The following NCAM2 variants were observed in gnomAD, a reference collection of about 807,000 sequenced individuals.
The protein encoded by NCAM2 is N-CAM-2.
In NCAM2, 30 loss-of-function variants were observed where a neutral mutation model predicts 98.1. The ratio of observed to expected loss-of-function variants is 0.31; its 90% confidence interval spans 0.23 to 0.41. The LOEUF is 0.41. NCAM2 is among the 10% of genes least tolerant of loss of function. The pLI, the probability that NCAM2 is intolerant of heterozygous loss-of-function variation, is 1.00. For missense variants in NCAM2, 867 were observed against 1,005.8 expected, an observed-to-expected ratio of 0.86 and a Z score of 1.87; for synonymous variants, 368 against 342.4, an observed-to-expected ratio of 1.07 and a Z score of -0.83.
chr21:21,345,103 A>T (rs972848083), intron 8 of NCAM2, among the ~76,000 whole-genome samples: 1 of 152,092 alleles, frequency 6.6e-6, no homozygotes, highest in Admixed American at 6.6e-5. Flanking sequence ...TACAACTTAG[A>T]TCACAATACC....
chr21:21,501,875 A>T (rs1399991498), intron 15 of NCAM2, among the ~76,000 whole-genome samples: 1 of 152,008 alleles, frequency 6.6e-6, no homozygotes, highest in Admixed American at 6.6e-5. Context: ...TCAGTAATTT[A>T]CAAAGCCATT....
At chr21:21,416,600 A>G (rs2076999599) in intron 10 of NCAM2, among the ~76,000 whole-genome samples, 1 of 152,146 alleles carries the variant, frequency 6.6e-6, no homozygotes, top group Non-Finnish European at 1.5e-5. Context: ...AAATAGTTTT[A>G]TCAGTAGATG....
At chr21:21,102,629 GA>G (rs1423864582) in intron 1 of NCAM2, among the ~76,000 whole-genome samples, 1 of 149,786 alleles carries the variant, frequency 6.7e-6, no homozygotes, top group East Asian at 2.0e-4. Flanking sequence ...TTTGAGGGGG[GA>G]AAAAGAAAGG....
In NCAM2 at chr21:21,168,615, A is replaced by G. The variant is rs188167098; in HGVS notation, c.56-111963A>G. 2.3e-4 allele frequency among the ~76,000 whole-genome samples: 35 copies of G among 152,328 alleles called. No individual in the cohort carries two copies. The East Asian group carries it at 6.4e-3, about 28-fold the overall frequency. On this transcript the variant is annotated intron_variant, in intron 1 of 17. Transcript: ENST00000400546. Reference sequence around the variant, plus strand: ...AGCAATTATAGCAACGTTGAAGATTATAAGGTTAATGTGTGTCAATTACTT... The same window carrying G: ...AGCAATTATAGCAACGTTGAAGATTGTAAGGTTAATGTGTGTCAATTACTT...
At chr21:21,230,075 T>C (rs2070558993) in intron 1 of NCAM2, among the ~76,000 whole-genome samples, 1 of 151,366 alleles carries the variant, frequency 6.6e-6, no homozygotes, top group African/African-American at 2.4e-5. Context: ...CATATAAATT[T>C]TATGGACTTT....
chr21:21,156,538 C>T (rs191899485), intron 1 of NCAM2, among the ~76,000 whole-genome samples: 5 of 150,940 alleles, frequency 3.3e-5, no homozygotes, highest in African/African-American at 9.7e-5. Context: ...ATAGTAAACA[C>T]CAAAGTTTTT....
chr21:21,241,426 T>C (rs2071062129), intron 1 of NCAM2, among the ~76,000 whole-genome samples: 1 of 152,208 alleles, frequency 6.6e-6, no homozygotes, highest in Admixed American at 6.5e-5. Flanking sequence ...ATATAGCATA[T>C]AAATTGTTAA....
chr21:21,522,206 T>C (rs1291516581), intron 16 of NCAM2, among the ~76,000 whole-genome samples: 3 of 148,086 alleles, frequency 2.0e-5, no homozygotes, highest in African/African-American at 7.4e-5. Flanking sequence ...TATATGAATA[T>C]GATTATATAT....
At chr21:21,380,309 T>C (rs1463639941) in intron 9 of NCAM2, among the ~76,000 whole-genome samples, 2 of 152,188 alleles carry the variant, frequency 1.3e-5, no homozygotes, top group Non-Finnish European at 2.9e-5. Context: ...TGTGAACTAT[T>C]TTTTCTCTCT....
At chr21:21,029,147 G>T (rs1894738760) in intron 1 of NCAM2, among the ~76,000 whole-genome samples, 1 of 152,112 alleles carries the variant, frequency 6.6e-6, no homozygotes. Flanking sequence ...CATATAAACT[G>T]TTCATTAACA....
intron 1 of NCAM2, among the ~76,000 whole-genome samples, chr21:21,039,086 G>A (rs1378836979): frequency 6.6e-6 from 1 of 152,072 alleles, no homozygotes; most frequent in Non-Finnish European, 1.5e-5. Context: ...TAGACTATAT[G>A]ACATGTAGTT....
chr21:21,430,194 G>A (rs232399), intron 11 of NCAM2, among the ~76,000 whole-genome samples: 55,980 of 150,428 alleles, frequency 0.37, 10,902 homozygotes, highest in East Asian at 0.61. Flanking sequence ...ACACCCGGCT[G>A]TTTTTTTTAT....
At chr21:21,094,375 G>A (rs2066074190) in intron 1 of NCAM2, among the ~76,000 whole-genome samples, 1 of 151,816 alleles carries the variant, frequency 6.6e-6, no homozygotes, top group African/African-American at 2.4e-5. Context: ...GATGGAAATA[G>A]TATGCCCTAA....
At chr21:21,230,245 A>T (rs962069676) in intron 1 of NCAM2, among the ~76,000 whole-genome samples, 5 of 151,332 alleles carry the variant, frequency 3.3e-5, no homozygotes, top group African/African-American at 1.2e-4. Flanking sequence ...GGAAAGAAGC[A>T]ATCATTTTTC....
At chr21:21,511,826 G>A (rs1020022844) in intron 16 of NCAM2, among the ~76,000 whole-genome samples, 13 of 151,956 alleles carry the variant, frequency 8.6e-5, no homozygotes, top group Admixed American at 5.3e-4. Context: ...TTATGGTTTT[G>A]ATTTGCATTT....
chr21:21,508,598 A>T (rs1173381186), intron 15 of NCAM2, among the ~76,000 whole-genome samples: 1 of 151,920 alleles, frequency 6.6e-6, no homozygotes, highest in Non-Finnish European at 1.5e-5. Context: ...AATAAAAAAA[A>T]AAGAAGTTTG....
intron 16 of NCAM2, among the ~76,000 whole-genome samples, chr21:21,512,775 C>T (rs1027581719): frequency 2.6e-5 from 4 of 151,884 alleles, no homozygotes; most frequent in East Asian, 3.9e-4. Flanking sequence ...AATGTTTTAT[C>T]GTTTTCATTG....
intron 13 of NCAM2, 101 bp from the exon 14 acceptor site, chr21:21,468,561 A>G (rs1039748020): frequency 8.6e-7 from 1 of 1,159,402 alleles, no homozygotes; most frequent in Admixed American, 2.6e-5. Context: ...CCAGGATAAC[A>G]CCATATATTT....
At chr21:21,363,390 C>T (rs1006336075) in intron 8 of NCAM2, among the ~76,000 whole-genome samples, 1 of 152,106 alleles carries the variant, frequency 6.6e-6, no homozygotes, top group Non-Finnish European at 1.5e-5. Flanking sequence ...TAAATACCCA[C>T]TCATACAATT....
Sources: allele counts gnomAD v4.1 joint callset (sites outside exome capture counted in the v4.1 genomes callset), GRCh38; gene constraint gnomAD v4.1.1; transcripts MANE v1.5; gene names NCBI Gene and HGNC (gene_info 2026-07-23, HGNC 2026-07-21).